Variants in GRM7 observed in about 807,000 individuals in gnomAD.
GRM7 encodes the protein glutamate metabotropic receptor 7.
Under a neutral mutation model 84.5 loss-of-function variants are expected in GRM7, and 35 were observed. The observed-to-expected ratio is 0.41, with a 90% CI of 0.32 to 0.55. GRM7 has a LOEUF of 0.55. Among genes scored for constraint, GRM7 ranks in the 20% least tolerant of loss-of-function variants. The pLI is 0.19. For missense variants in GRM7, 1,003 were observed against 1,194.6 expected (o/e 0.84, Z 2.36); for synonymous variants, 487 against 455.1 (o/e 1.07, Z -0.89).
intron 2 of GRM7, among the ~76,000 whole-genome samples, chr3:7,269,130 G>C (rs1293607447): frequency 6.6e-6 from 1 of 152,216 alleles, no homozygotes; most frequent in African/African-American, 2.4e-5. Flanking sequence ...GGAAGGCTGT[G>C]CTCAAAGCAA....
At chr3:7,303,201 A>T (rs1330663605) in intron 3 of GRM7, among the ~76,000 whole-genome samples, 1 of 152,134 alleles carries the variant, frequency 6.6e-6, no homozygotes, top group African/African-American at 2.4e-5. Context: ...TGGCCTCCCC[A>T]AGTACTGGGA....
chr3:6,886,299 G>C (rs887834115), intron 1 of GRM7, among the ~76,000 whole-genome samples: 4 of 152,086 alleles, frequency 2.6e-5, no homozygotes, highest in African/African-American at 9.7e-5. Context: ...ATAACACATG[G>C]ACACAGGGAG....
At chr3:7,536,404 C>T (rs1373340706) in intron 7 of GRM7, among the ~76,000 whole-genome samples, 2 of 152,178 alleles carry the variant, frequency 1.3e-5, no homozygotes, top group Admixed American at 6.5e-5. Flanking sequence ...AATCCAATGA[C>T]TCCTATTTCT....
chr3:7,597,484 G>GC (rs1187510641), intron 8 of GRM7, among the ~76,000 whole-genome samples: 1 of 152,100 alleles, frequency 6.6e-6, no homozygotes, highest in Non-Finnish European at 1.5e-5. Context: ...GCTATAAATT[G>GC]CCCATGGGCC....
Position 7,631,025 on chromosome 3 carries a change from C to T in GRM7, c.2452-49024C>T, listed in dbSNP as rs1297305598. On this transcript the variant is annotated intron_variant, in intron 8 of 9. Transcript: ENST00000357716. ...GAAAATTACTGTGAAGCCATCACTT[C>T]AGTCCTCTCTGGATCTGTGTTCTGA... Among the ~76,000 whole-genome samples the T allele has an allele frequency of 5.9e-5, 9 of 152,210 alleles. No homozygotes were observed. In the South Asian group the frequency reaches 1.4e-3, roughly 25 times the overall value.
At chr3:7,641,217 T>G (rs1232784670) in intron 8 of GRM7, among the ~76,000 whole-genome samples, 1 of 152,198 alleles carries the variant, frequency 6.6e-6, no homozygotes, top group African/African-American at 2.4e-5. Context: ...TCTGGAATGT[T>G]ACTTTCTGAC....
chr3:7,094,233 C>T (rs571910144), intron 1 of GRM7, among the ~76,000 whole-genome samples: 1 of 151,962 alleles, frequency 6.6e-6, no homozygotes, highest in Non-Finnish European at 1.5e-5. Flanking sequence ...GGAAAAAAAC[C>T]CACAATTTTA....
chr3:7,141,084 C>A (rs1037524098), intron 1 of GRM7, among the ~76,000 whole-genome samples: 2 of 151,876 alleles, frequency 1.3e-5, no homozygotes, highest in Admixed American at 6.6e-5. Context: ...GCTCACTGTT[C>A]AGAAATAACA....
intron 1 of GRM7, among the ~76,000 whole-genome samples, chr3:6,940,912 A>T (rs546880805): frequency 1.4e-3 from 208 of 152,246 alleles, no homozygotes; most frequent in African/African-American, 4.7e-3. Flanking sequence ...GCACTGGCAC[A>T]CACTGCAGCT....
At chr3:7,549,698 T>C (rs1693350952) in intron 7 of GRM7, among the ~76,000 whole-genome samples, 1 of 152,264 alleles carries the variant, frequency 6.6e-6, no homozygotes, top group African/African-American at 2.4e-5. Flanking sequence ...GTCCATGCTC[T>C]ATTTTCTAAA....
chr3:7,714,753 G>A (rs1385430394), intron 9 of GRM7, among the ~76,000 whole-genome samples: 1 of 152,180 alleles, frequency 6.6e-6, no homozygotes, highest in Non-Finnish European at 1.5e-5. Context: ...CTCTATCCAA[G>A]AACAGTTTGG....
intron 4 of GRM7, among the ~76,000 whole-genome samples, chr3:7,320,226 T>G (rs1306512124): frequency 6.6e-6 from 1 of 151,890 alleles, no homozygotes; most frequent in African/African-American, 2.4e-5. Context: ...ATTGCTAGAC[T>G]CATGGCTGAG....
At chr3:7,068,897 T>C (rs541355996) in intron 1 of GRM7, among the ~76,000 whole-genome samples, 170 of 152,042 alleles carry the variant, frequency 1.1e-3, no homozygotes, top group African/African-American at 3.9e-3. Context: ...GTTTTACTCA[T>C]GAATTAAAGA....
chr3:7,310,308 T>C (rs920793420), intron 4 of GRM7, among the ~76,000 whole-genome samples: 5 of 152,222 alleles, frequency 3.3e-5, no homozygotes, highest in African/African-American at 9.7e-5. Context: ...AAATCTGCAA[T>C]GTATGTAGGA....
intron 8 of GRM7, among the ~76,000 whole-genome samples, chr3:7,679,355 T>A (rs1012645465): frequency 8.0e-5 from 12 of 150,934 alleles, no homozygotes; most frequent in African/African-American, 2.9e-4. Flanking sequence ...TCTAAAACAG[T>A]AGGCAAGCAC....
At chr3:7,364,197 G>T (rs1379415416) in intron 4 of GRM7, among the ~76,000 whole-genome samples, 1 of 151,634 alleles carries the variant, frequency 6.6e-6, no homozygotes, top group African/African-American at 2.4e-5. Context: ...CTTGTTAGAT[G>T]TATATATATA....
intron 9 of GRM7, among the ~76,000 whole-genome samples, chr3:7,685,782 G>A (rs1359311712): frequency 2.0e-5 from 3 of 150,086 alleles, no homozygotes; most frequent in Non-Finnish European, 4.4e-5. Flanking sequence ...AAGGAGGTAT[G>A]TTATTTAAAA....
chr3:7,045,732 G>A (rs1051863693), intron 1 of GRM7, among the ~76,000 whole-genome samples: 1 of 152,004 alleles, frequency 6.6e-6, no homozygotes, highest in African/African-American at 2.4e-5. Flanking sequence ...TTTTAAGGTT[G>A]AATAATATTC....
At chr3:7,093,676 CAAAAAAAAA>C (rs1209938099) in intron 1 of GRM7, among the ~76,000 whole-genome samples, 2 of 13,936 alleles carry the variant, frequency 1.4e-4, no homozygotes, top group African/African-American at 2.7e-4. Flanking sequence ...GACTCTGTCT[CAAAAAAAAA>C]AAAAAAAAAA....
Sources: allele counts gnomAD v4.1 joint callset (sites outside exome capture counted in the v4.1 genomes callset), GRCh38; gene constraint gnomAD v4.1.1; transcripts MANE v1.5; gene names NCBI Gene and HGNC (gene_info 2026-07-23, HGNC 2026-07-21).